The following STAT3 variants were observed in gnomAD, a reference collection of about 807,000 sequenced individuals.
STAT3 encodes signal transducer and activator of transcription 3, also known as DNA-binding protein APRF.
In STAT3, 7 loss-of-function variants were observed where a neutral mutation model predicts 114.3. The observed-to-expected ratio is 0.06, with a 90% CI of 0.03 to 0.11. The LOEUF (loss-of-function observed/expected upper bound fraction) is 0.11. Ranked by LOEUF, STAT3 falls within the 10% of genes least tolerant of loss-of-function variation. The probability of loss-of-function intolerance (pLI) is 1.00; values close to 1 mark genes in which losing one functional copy is unlikely to be tolerated. For missense variants in STAT3, 364 were observed against 960.9 expected (o/e 0.38, Z 8.21); for synonymous variants, 331 against 354.5 (o/e 0.93, Z 0.74).
In STAT3 at chr17:42,331,734, T is replaced by A. The variant is rs187647647; in HGVS notation, c.1050-203A>T. ...CTTGAGCCCAGGAGTTCCATAACAGTCTGGGCAACAAAGTGAGAGCCCACA... is the reference window on the plus strand; with the variant it reads ...CTTGAGCCCAGGAGTTCCATAACAGACTGGGCAACAAAGTGAGAGCCCACA... On this transcript the variant is annotated intron_variant, in intron 10 of 23. Coordinates refer to ENST00000264657, the MANE Select transcript of STAT3 (RefSeq NM_139276.3). Among the ~76,000 whole-genome samples, 181 of 152,150 alleles carry A rather than the reference T, an allele frequency of 1.2e-3. 1 individual carries two copies. The highest frequency in any genetic ancestry group is 4.1e-3 in the African/African-American group (172 of 41,518).
chr17:42,322,227 A>C lies in STAT3; in HGVS notation c.2101+55T>G, dbSNP rs571341187. 2,270 of 1,598,714 alleles carry C rather than the reference A, an allele frequency of 1.4e-3. 6 individuals carry two copies. Among genetic ancestry groups the C allele is most frequent in the South Asian group, 5.5e-3 (496 of 90,580 alleles). On this transcript the variant is annotated intron_variant, in intron 21 of 23. Coordinates refer to ENST00000264657, the MANE Select transcript of STAT3 (RefSeq NM_139276.3). ...TGCCTATCTATCCTCCAAGGATCCCAAAATTTCCAACTTTTCCCAAAAATT... is the reference window on the plus strand; with the variant it reads ...TGCCTATCTATCCTCCAAGGATCCCCAAATTTCCAACTTTTCCCAAAAATT...
chr17:42,375,608 C>A (rs1808582040), intron 1 of STAT3, among the ~76,000 whole-genome samples: 1 of 152,010 alleles, frequency 6.6e-6, no homozygotes. Context: ...GCAGGCAGAT[C>A]TCCTGAGGTT....
rs2081907102 is a variant in STAT3 at position 42,329,667 on chromosome 17, T to C, written c.1140-20A>G. 6.2e-7 allele frequency: 1 copy of C among 1,614,012 alleles called. No homozygotes were observed. On this transcript the variant is annotated intron_variant, in intron 12 of 23. Coordinates refer to ENST00000264657, the MANE Select transcript of STAT3 (RefSeq NM_139276.3). Reference sequence around the variant, plus strand: ...CGGGATCTGAATCACAGGGGAACAATCAACTATGTAGGTGACCAAGTAGCC... The same window carrying C: ...CGGGATCTGAATCACAGGGGAACAACCAACTATGTAGGTGACCAAGTAGCC...
rs747375464 is a variant in STAT3 at position 42,324,896 on chromosome 17, G to T, written c.1465-50C>A. ...GTTTAGATGAGGGATGGTGCTCATT[G>T]TCTATACTAGGTACCCCTAAGTCGC... On this transcript the variant is annotated intron_variant, in intron 16 of 23. Transcript: ENST00000264657. This position sits in a 1 kb window ranked among gnomAD's most constrained non-coding sequence, Gnocchi z 4.5. 29 of 1,614,200 alleles carry T rather than the reference G, an allele frequency of 1.8e-5. No homozygotes were observed. The highest frequency in any genetic ancestry group is 6.6e-5 in the South Asian group (6 of 91,086).
chr17:42,317,098 A>C (rs2081283903), intron 22 of STAT3, 84 bp downstream of exon 22: 1 of 1,602,590 alleles, frequency 6.2e-7, no homozygotes, highest in Non-Finnish European at 8.5e-7. Flanking sequence ...CCTTTGGCAG[A>C]TTAACTCTCA....
chr17:42,369,961 C>T (rs538623932), intron 1 of STAT3, among the ~76,000 whole-genome samples: 2 of 151,754 alleles, frequency 1.3e-5, no homozygotes, highest in Non-Finnish European at 2.9e-5. Flanking sequence ...GCACTTTGGC[C>T]ATGTGTTGGT....
rs142529727 is a variant in STAT3 at position 42,369,289 on chromosome 17, G to A, written c.-24+18990C>T. Among the ~76,000 whole-genome samples, 28 of 152,232 alleles carry A rather than the reference G, an allele frequency of 1.8e-4. No individual in the cohort carries two copies. In the East Asian group the frequency reaches 4.8e-3, roughly 26 times the overall value. ...AGAGAATTGCTTGAACCTGGGAGGC[G>A]GAGGTTGCAGTGAGCTGAAATCGTG... On this transcript the variant is annotated intron_variant, in intron 1 of 23. Transcript: ENST00000264657.
intron 14 of STAT3, among the ~76,000 whole-genome samples, chr17:42,328,545 C>CT (rs2081845232): frequency 6.6e-6 from 1 of 152,176 alleles, no homozygotes; most frequent in African/African-American, 2.4e-5. Flanking sequence ...GTAACTGGGA[C>CT]TACAGGCGTG....
At chr17:42,360,047 A>C (rs2083434362) in intron 1 of STAT3, among the ~76,000 whole-genome samples, 1 of 142,486 alleles carries the variant, frequency 7.0e-6, no homozygotes, top group Admixed American at 7.0e-5. Context: ...GCGGCAGAGC[A>C]AGACTCCGTC....
At chr17:42,325,511 A>T (rs2081666799) in intron 15 of STAT3, among the ~76,000 whole-genome samples, 1 of 152,202 alleles carries the variant, frequency 6.6e-6, no homozygotes. Flanking sequence ...TCTGTATACT[A>T]AACACACTGG....
chr17:42,379,890 T>C (rs766403449), intron 1 of STAT3, among the ~76,000 whole-genome samples: 8 of 152,172 alleles, frequency 5.3e-5, no homozygotes, highest in Admixed American at 6.6e-5. Context: ...TCCCTATTCA[T>C]TTAGTTTTTT....
chr17:42,349,069 G>A (rs1163032196), intron 1 of STAT3, among the ~76,000 whole-genome samples: 1 of 151,984 alleles, frequency 6.6e-6, no homozygotes, highest in Non-Finnish European at 1.5e-5. Flanking sequence ...AACAAAACAT[G>A]CCCAGGCTGG....
chr17:42,324,872 T>C lies in STAT3; in HGVS notation c.1465-26A>G, dbSNP rs1326663058. ...CTATTGGAAAGAACACATTTGCTTG[T>C]TTAGATGAGGGATGGTGCTCATTGT... On this transcript the variant is annotated intron_variant, in intron 16 of 23. Coordinates refer to ENST00000264657, the MANE Select transcript of STAT3 (RefSeq NM_139276.3). The surrounding 1 kb of genome is among the most constrained non-coding windows in gnomAD (Gnocchi z 4.5). 1.9e-6 allele frequency: 3 copies of C among 1,614,080 alleles called. No individual in the cohort carries two copies. The highest frequency in any genetic ancestry group is 2.5e-6 in the Non-Finnish European group (3 of 1,180,024).
At chr17:42,354,037 T>TA (rs1292043239) in intron 1 of STAT3, among the ~76,000 whole-genome samples, 1 of 152,136 alleles carries the variant, frequency 6.6e-6, no homozygotes, top group Admixed American at 6.6e-5. Context: ...CAAACTAACA[T>TA]ATCCTAAAAA....
rs909651022 is a variant in STAT3, at chr17:42,388,078, C to T, written c.-24+201G>A. On this transcript the variant is annotated intron_variant, in intron 1 of 23. Coordinates refer to ENST00000264657, the MANE Select transcript of STAT3 (RefSeq NM_139276.3). ...TTCTCCGAAGAACGAAACTTCCCTC[C>T]AGCGCCCCGAGTCCCTTCCGAGGCC... is the stretch of plus-strand genomic sequence containing the variant. 3.8e-5 allele frequency: 23 copies of T among 601,856 alleles called. No individual in the cohort carries two copies. In the Admixed American group the frequency reaches 4.8e-4, roughly 13 times the overall value. 37.3% of individuals were successfully genotyped at this position (601,856 alleles called of 1,614,324 possible). A position where few individuals can be genotyped will look rare whatever the true frequency, so the allele number is the denominator to read the frequency against.
chr17:42,348,741 G>A (rs965515961), intron 1 of STAT3, among the ~76,000 whole-genome samples: 4 of 152,034 alleles, frequency 2.6e-5, no homozygotes, highest in Non-Finnish European at 5.9e-5. Context: ...GCCCAGGGTG[G>A]CCTTGAACTC....
Position 42,345,652 on chromosome 17 carries a change from C to T in STAT3, c.279G>A (p.Arg93=), listed in dbSNP as rs2082663634. The T allele has an allele frequency of 6.2e-7, 1 of 1,601,404 alleles. No homozygotes were observed. Among genetic ancestry groups the T allele is most frequent in the Non-Finnish European group, 8.5e-7 (1 of 1,172,538 alleles). The change falls in exon 4 of 24, where the codon AGG becomes AGA. Residue 93 remains arginine (R), a synonymous_variant. Transcript: ENST00000264657. The part of the protein sequence containing the change: ...LRRIKQFLQS[R]YLEKPMEIAR... ...CAATCTCCATTGGCTTCTCAAGATA[C>T]CTGCTCTATAAGTAGGAGAGAAAGA... is the stretch of plus-strand genomic sequence containing the variant.
At position 42,314,503 on chromosome 17, in the gene STAT3, C is replaced by T; in HGVS notation, c.*1242G>A. The T allele has an allele frequency of 4.3e-6, 1 of 232,034 alleles. No individual in the cohort carries two copies. Among genetic ancestry groups the T allele is most frequent in the East Asian group, 6.1e-5 (1 of 16,398 alleles). The allele number at this position is 232,034 out of a possible 1,614,324, so 14.4% of individuals were successfully genotyped here. A position where few individuals can be genotyped will look rare whatever the true frequency, so the allele number is the denominator to read the frequency against. ...TCGGGAGGGTGGGGCAGGAAGGAAG[C>T]CAGAATCAGAAGTATCCCAGCCCTG... On this transcript the variant is annotated 3_prime_UTR_variant, in exon 24 of 24. Coordinates refer to ENST00000264657, the MANE Select transcript of STAT3 (RefSeq NM_139276.3).
Position 42,333,646 on chromosome 17 carries a change from A to C in STAT3, c.1049+27T>G. 6.2e-7 allele frequency: 1 copy of C among 1,612,872 alleles called. No individual in the cohort carries two copies. The highest frequency in any genetic ancestry group is 8.5e-7 in the Non-Finnish European group (1 of 1,179,030). On this transcript the variant is annotated intron_variant, in intron 10 of 23. Transcript: ENST00000264657. The surrounding 1 kb of genome is among the most constrained non-coding windows in gnomAD (Gnocchi z 5.2). ...AACAGTGTCCCTCAGTAAAATCTCT[A>C]CTGGAAATGGAAGTGGCATGGCCTA...
Sources: allele counts gnomAD v4.1 joint callset (sites outside exome capture counted in the v4.1 genomes callset), GRCh38; gene constraint gnomAD v4.1.1; non-coding constraint Gnocchi (gnomAD v3.1); transcripts MANE v1.5; gene names NCBI Gene and HGNC (gene_info 2026-07-23, HGNC 2026-07-21).